The following TAFA1 variants were observed in gnomAD, a reference collection of about 807,000 sequenced individuals.
TAFA1 encodes the protein chemokine-like protein TAFA-1.
TAFA1 carries 4 observed loss-of-function variants against 18.5 expected under a neutral mutation model. The ratio of observed to expected loss-of-function variants is 0.22; its 90% CI spans 0.11 to 0.49. The LOEUF (loss-of-function observed/expected upper bound fraction) is 0.49, where lower values mean the gene tolerates loss of function less well. TAFA1 is among the 20% of genes least tolerant of loss of function. TAFA1 has a pLI of 0.98. For missense variants in TAFA1, 147 were observed against 169.0 expected (o/e 0.87, Z 0.72); for synonymous variants, 56 against 55.2 (o/e 1.01, Z -0.06).
At chr3:68,441,780 G>C (rs1230329428) in intron 3 of TAFA1, among the ~76,000 whole-genome samples, 2 of 152,262 alleles carry the variant, frequency 1.3e-5, no homozygotes, top group Admixed American at 1.3e-4. Flanking sequence ...AGGAAGAGAA[G>C]ACTAGGGCCT....
chr3:68,016,299 A>G (rs1316929421), intron 2 of TAFA1, among the ~76,000 whole-genome samples: 1 of 152,224 alleles, frequency 6.6e-6, no homozygotes, highest in Non-Finnish European at 1.5e-5. Context: ...GGCTTATACC[A>G]CAGTGGTCCC....
At chr3:68,169,263 G>C (rs1292753272) in intron 2 of TAFA1, among the ~76,000 whole-genome samples, 1 of 152,012 alleles carries the variant, frequency 6.6e-6, no homozygotes, top group Non-Finnish European at 1.5e-5. Flanking sequence ...GGTACGGGCT[G>C]CTATGTCATG....
chr3:68,331,885 A>T (rs1205360058), intron 2 of TAFA1, among the ~76,000 whole-genome samples: 1 of 45,742 alleles, frequency 2.2e-5, no homozygotes, highest in African/African-American at 8.3e-5. Context: ...TTTTTTTGAG[A>T]CGGAGTCTCG....
intron 2 of TAFA1, among the ~76,000 whole-genome samples, chr3:68,322,347 G>A (rs2068708227): frequency 6.6e-6 from 1 of 152,132 alleles, no homozygotes; most frequent in African/African-American, 2.4e-5. Flanking sequence ...TGCCCTTGAC[G>A]TTTTATTCCT....
At chr3:68,252,200 C>T (rs2107166532) in intron 2 of TAFA1, among the ~76,000 whole-genome samples, 1 of 152,244 alleles carries the variant, frequency 6.6e-6, no homozygotes, top group Admixed American at 6.5e-5. Flanking sequence ...ATGAAATTCA[C>T]CAGATGTAAC....
intron 2 of TAFA1, among the ~76,000 whole-genome samples, chr3:68,139,212 C>T (rs1448312413): frequency 6.6e-6 from 1 of 152,108 alleles, no homozygotes; most frequent in East Asian, 1.9e-4. Context: ...CAAACATTGA[C>T]ATACCGAATA....
intron 2 of TAFA1, among the ~76,000 whole-genome samples, chr3:68,297,683 A>C (rs890893367): frequency 6.6e-6 from 1 of 152,152 alleles, no homozygotes; most frequent in African/African-American, 2.4e-5. Flanking sequence ...ATGAAGAGGA[A>C]AGTTTACAGC....
intron 2 of TAFA1, among the ~76,000 whole-genome samples, chr3:68,303,593 C>T (rs1011760313): frequency 3.3e-5 from 5 of 151,960 alleles, no homozygotes; most frequent in African/African-American, 7.2e-5. Context: ...AAACTACAGG[C>T]GCCCACCACC....
chr3:68,053,940 A>C (rs565170157), intron 2 of TAFA1, among the ~76,000 whole-genome samples: 1 of 152,234 alleles, frequency 6.6e-6, no homozygotes, highest in African/African-American at 2.4e-5. Context: ...TCCAGCCTCA[A>C]GTGATCCTCC....
intron 2 of TAFA1, among the ~76,000 whole-genome samples, chr3:68,255,846 G>A (rs947568008): frequency 2.0e-5 from 3 of 151,888 alleles, no homozygotes; most frequent in African/African-American, 7.2e-5. Flanking sequence ...TGGCTAACAG[G>A]CAGTTAAGTC....
chr3:68,167,007 A>G (rs2065990077), intron 2 of TAFA1, among the ~76,000 whole-genome samples: 1 of 152,154 alleles, frequency 6.6e-6, no homozygotes. Flanking sequence ...GGAGGCTTTA[A>G]GGTTTATAAA....
the TAFA1 span, among the ~76,000 whole-genome samples, chr3:67,997,714 G>T: frequency 1.4e-5 from 2 of 139,212 alleles, no homozygotes; most frequent in African/African-American, 5.1e-5. Flanking sequence ...CCCACACCAA[G>T]AAAATAAGAT....
At chr3:68,076,523 G>A (rs201015219) in intron 2 of TAFA1, among the ~76,000 whole-genome samples, 3 of 134,394 alleles carry the variant, frequency 2.2e-5, no homozygotes, top group Non-Finnish European at 3.0e-5. Flanking sequence ...CGATCTCATC[G>A]TTCAATTCCC....
chr3:68,002,158 A>G (rs781268463), upstream of TAFA1, among the ~76,000 whole-genome samples: 10 of 152,228 alleles, frequency 6.6e-5, no homozygotes, highest in Non-Finnish European at 1.3e-4. Flanking sequence ...TCAAAGATCA[A>G]TATATGTTGA....
intron 2 of TAFA1, among the ~76,000 whole-genome samples, chr3:68,157,636 G>A (rs2065880430): frequency 6.7e-6 from 1 of 149,952 alleles, no homozygotes; most frequent in African/African-American, 2.5e-5. Flanking sequence ...CTCATATGTG[G>A]TCTCTTTAGT....
At chr3:68,315,151 C>G (rs1054002554) in intron 2 of TAFA1, among the ~76,000 whole-genome samples, 2 of 152,154 alleles carry the variant, frequency 1.3e-5, no homozygotes, top group Non-Finnish European at 2.9e-5. Context: ...AGAGAGAATG[C>G]CAATTCACAT....
At chr3:68,261,544 A>G (rs1452177577) in intron 2 of TAFA1, among the ~76,000 whole-genome samples, 1 of 152,236 alleles carries the variant, frequency 6.6e-6, no homozygotes, top group African/African-American at 2.4e-5. Context: ...GACTGGATTA[A>G]GAAAATGTGG....
At chr3:68,011,469 A>G (rs962675366) in intron 2 of TAFA1, among the ~76,000 whole-genome samples, 5 of 152,160 alleles carry the variant, frequency 3.3e-5, no homozygotes, top group African/African-American at 1.2e-4. Flanking sequence ...ATCACCTTCC[A>G]TTTTAAAGTA....
At chr3:68,145,203 C>A (rs1011082384) in intron 2 of TAFA1, 1 of 804,804 alleles carries the variant, frequency 1.2e-6, no homozygotes, top group Non-Finnish European at 2.3e-6. Context: ...ACAAAATCTG[C>A]AAATTCTGAA....
Sources: gnomAD v4.1 joint callset for allele counts (sites outside exome capture counted in the v4.1 genomes callset) on GRCh38, gnomAD v4.1.1 for gene constraint, MANE v1.5 for transcripts, NCBI Gene and HGNC (gene_info 2026-07-23, HGNC 2026-07-21) for gene names.